Variants in SS18L2 observed in about 807,000 individuals in gnomAD.
SS18L2 encodes SS18 like 2, also known as SS18-like protein 2.
A neutral mutation model predicts 10.3 loss-of-function variants in SS18L2; 8 were observed. The ratio of observed to expected loss-of-function variants is 0.78; its 90% CI spans 0.46 to 1.41. The LOEUF (loss-of-function observed/expected upper bound fraction) is 1.41, where lower values mean the gene tolerates loss of function less well. Ranked by LOEUF, SS18L2 falls within the 40% of genes most tolerant of loss-of-function variation. The pLI is 0.00. For missense variants in SS18L2, 100 were observed against 96.2 expected, an observed-to-expected ratio of 1.04 and a Z score of -0.17; for synonymous variants, 41 against 34.6, an observed-to-expected ratio of 1.19 and a Z score of -0.65.
intron 1 of SS18L2, among the ~76,000 whole-genome samples, chr3:42,583,858 C>T (rs1465635672): frequency 6.6e-6 from 1 of 152,236 alleles, no homozygotes; most frequent in Non-Finnish European, 1.5e-5. Context: ...AGAGTCCGTC[C>T]ATTTATTCAT....
rs1022724729 is a variant in SS18L2, at chr3:42,591,901, A to G, written c.146+300A>G. On this transcript the variant is annotated intron_variant, in intron 2 of 2. Transcript: ENST00000011691. ...AGGGATGGGGGTGAGAGCACACAGA[A>G]AACTAAGCTCAGGAGATTAGAGCCA... Among the ~76,000 whole-genome samples, 23 of 152,308 alleles carry G rather than the reference A, an allele frequency of 1.5e-4. 1 individual carries two copies. Among genetic ancestry groups the G allele is most frequent in the African/African-American group, 5.1e-4 (21 of 41,576 alleles).
At chr3:42,591,453 A>T in intron 1 of SS18L2, 72 bp from the exon 2 acceptor site, 1 of 1,173,924 alleles carries the variant, frequency 8.5e-7, no homozygotes, top group Non-Finnish European at 1.3e-6. Flanking sequence ...TCGGCCTCCC[A>T]AAGGGCCGGG....
intron 2 of SS18L2, among the ~76,000 whole-genome samples, chr3:42,592,888 T>C (rs1187447699): frequency 6.6e-6 from 1 of 152,154 alleles, no homozygotes; most frequent in Non-Finnish European, 1.5e-5. Context: ...CGTAAACTTA[T>C]GTTGATCATG....
rs1055257517 is a variant in SS18L2, at chr3:42,591,172, G to A, written c.69+206G>A. 10 of 612,358 alleles carry A rather than the reference G, an allele frequency of 1.6e-5. No individual in the cohort carries two copies. The African/African-American group carries it at 1.9e-4, about 11-fold the overall frequency. 37.9% of individuals were successfully genotyped at this position (612,358 alleles called of 1,614,324 possible). On this transcript the variant is annotated intron_variant, in intron 1 of 2. Coordinates refer to ENST00000011691, the MANE Select transcript of SS18L2 (RefSeq NM_001370300.1). ...ATGGGGTTCGGTCCCCCGCCGTCCA[G>A]ACGTCACACTGCACTAACCCTTTCT...
At chr3:42,591,498 T>C (rs1704838894) in intron 1 of SS18L2, 27 bp from the exon 2 acceptor site, 1 of 1,589,150 alleles carries the variant, frequency 6.3e-7, no homozygotes, top group East Asian at 2.2e-5. Context: ...CGGCCTGCAC[T>C]GACCCTTTCT....
rs144127774 is a variant in SS18L2, at chr3:42,594,554, G to A, written c.*45G>A. ...TAATCTTCCATTTGGCTGTCGTGAG[G>A]AGTAATTGAATGTAATCCATCTCTT... On this transcript the variant is annotated 3_prime_UTR_variant, in exon 3 of 3. Coordinates refer to ENST00000011691, the MANE Select transcript of SS18L2 (RefSeq NM_001370300.1). 195 of 1,527,256 alleles carry A rather than the reference G, an allele frequency of 1.3e-4. 2 individuals carry two copies. In the East Asian group the frequency reaches 4.4e-3, roughly 34 times the overall value. The allele number at this position is 1,527,256 out of a possible 1,614,324, so 94.6% of individuals were successfully genotyped here.
upstream of SS18L2, among the ~76,000 whole-genome samples, chr3:42,586,486 G>A (rs772369662): frequency 6.6e-6 from 1 of 151,662 alleles, no homozygotes; most frequent in African/African-American, 2.4e-5. Context: ...GCCTCCCAAA[G>A]TGCTGGCATT....
At chr3:42,589,472 C>G (rs768616348), upstream of SS18L2, among the ~76,000 whole-genome samples, 34 of 152,132 alleles carry the variant, frequency 2.2e-4, 1 homozygote, top group Non-Finnish European at 5.9e-5. Context: ...CCGCTGCTCA[C>G]TCCAGGGAAA....
intron 2 of SS18L2, among the ~76,000 whole-genome samples, chr3:42,593,933 G>A (rs896492267): frequency 6.6e-6 from 1 of 152,268 alleles, no homozygotes; most frequent in African/African-American, 2.4e-5. Context: ...GTCACAGAAG[G>A]AGGCCACTGT....
intron 1 of SS18L2, 139 bp downstream of exon 1, chr3:42,591,105 A>G (rs577666199): frequency 1.0e-6 from 1 of 975,764 alleles, no homozygotes; most frequent in South Asian, 1.5e-5. Context: ...GCGGGGTGAG[A>G]TGGGCACGAA....
chr3:42,588,373 C>G (rs1704694012), upstream of SS18L2, among the ~76,000 whole-genome samples: 6 of 152,292 alleles, frequency 3.9e-5, no homozygotes, highest in South Asian at 1.2e-3. Flanking sequence ...CCAATGCACT[C>G]CAGCTTGGGC....
At chr3:42,586,503 G>A (rs1704613621), upstream of SS18L2, among the ~76,000 whole-genome samples, 1 of 151,696 alleles carries the variant, frequency 6.6e-6, no homozygotes, top group Admixed American at 6.6e-5. Flanking sequence ...CATTACAGGT[G>A]TGAGCCACTG....
chr3:42,589,374 C>T (rs1704734440), upstream of SS18L2, among the ~76,000 whole-genome samples: 1 of 152,172 alleles, frequency 6.6e-6, no homozygotes, highest in African/African-American at 2.4e-5. Context: ...TGCTCAGGAT[C>T]AGGGCCACCA....
intron 2 of SS18L2, among the ~76,000 whole-genome samples, chr3:42,593,144 G>A (rs779089049): frequency 2.8e-4 from 42 of 152,302 alleles, no homozygotes; most frequent in Non-Finnish European, 2.6e-4. Flanking sequence ...GCTCATCCCT[G>A]TAATCCCAGT....
upstream of SS18L2, among the ~76,000 whole-genome samples, chr3:42,589,272 AAAAAAAG>A (rs765687110): frequency 2.0e-5 from 3 of 152,124 alleles, no homozygotes; most frequent in Non-Finnish European, 2.9e-5. Context: ...CTGTCTCAAA[AAAAAAAG>A]AAAAAAGAAA....
At chr3:42,591,489 G>A in intron 1 of SS18L2, 36 bp from the exon 2 acceptor site, 3 of 1,542,744 alleles carry the variant, frequency 1.9e-6, no homozygotes, top group Non-Finnish European at 1.8e-6. Flanking sequence ...CACTGCGCCC[G>A]GCCTGCACTG....
rs1559537818 is a variant in SS18L2 at position 42,594,514 on chromosome 3, T to G, written c.*5T>G. 6.2e-7 allele frequency: 1 copy of G among 1,610,708 alleles called. No individual in the cohort carries two copies. The highest frequency in any genetic ancestry group is 1.7e-5 in the Admixed American group (1 of 59,986). ...ACTTCAAAAGCAATGGAATAATCTT[T>G]CAAAAGCAATAGAATAATCTTCCAT... On this transcript the variant is annotated 3_prime_UTR_variant, in exon 3 of 3. Transcript: ENST00000011691.
At chr3:42,585,311 T>C (rs573396874) in intron 1 of SS18L2, among the ~76,000 whole-genome samples, 1 of 152,320 alleles carries the variant, frequency 6.6e-6, no homozygotes, top group African/African-American at 2.4e-5. Context: ...GTCCTAGCTC[T>C]CATCTCCAAT....
At chr3:42,587,410 C>G (rs1704647216), upstream of SS18L2, 1 of 151,934 alleles carries the variant, frequency 6.6e-6, no homozygotes, top group Non-Finnish European at 1.5e-5. Flanking sequence ...TTTTTTTTTA[C>G]CTGATAGAAA....
Sources: gnomAD v4.1 joint callset for allele counts (sites outside exome capture counted in the v4.1 genomes callset) on GRCh38, gnomAD v4.1.1 for gene constraint, MANE v1.5 for transcripts, NCBI Gene and HGNC (gene_info 2026-07-23, HGNC 2026-07-21) for gene names.